The following SLC35D2 variants were observed in gnomAD, a reference collection of about 807,000 sequenced individuals.
SLC35D2 encodes the protein solute carrier family 35 member D2, also known as nucleotide sugar transporter SLC35D2.
A neutral mutation model predicts 41.8 loss-of-function variants in SLC35D2; 43 were observed. The ratio of observed to expected loss-of-function variants is 1.03; its 90% CI spans 0.81 to 1.33. SLC35D2 has a LOEUF of 1.33. Ranked by LOEUF, SLC35D2 falls within the 40% of genes most tolerant of loss-of-function variation. The pLI is 0.00. For synonymous variants in SLC35D2, 150 were observed against 163.9 expected (o/e 0.92, Z 0.65); for missense variants, 380 against 408.4 (o/e 0.93, Z 0.60).
At chr9:96,351,856 C>A (rs1051080608) in intron 5 of SLC35D2, among the ~76,000 whole-genome samples, 182 bp downstream of exon 5, 1 of 152,078 alleles carries the variant, frequency 6.6e-6, no homozygotes, top group African/African-American at 2.4e-5. Context: ...GGTAAAATTA[C>A]AACTTTTAAA....
intron 1 of SLC35D2, among the ~76,000 whole-genome samples, chr9:96,380,014 A>G (rs1831127286): frequency 6.7e-6 from 1 of 148,636 alleles, no homozygotes; most frequent in African/African-American, 2.5e-5. Flanking sequence ...TCTCTGCCCC[A>G]GCCTCCTGAG....
chr9:96,372,219 T>C (rs1014303888), intron 1 of SLC35D2, among the ~76,000 whole-genome samples: 2 of 152,150 alleles, frequency 1.3e-5, no homozygotes, highest in East Asian at 3.8e-4. Flanking sequence ...TAACTTTCAG[T>C]TAGAAAATGA....
chr9:96,332,825 T>C (rs533400293), intron 9 of SLC35D2, among the ~76,000 whole-genome samples: 4 of 152,016 alleles, frequency 2.6e-5, no homozygotes, highest in South Asian at 4.2e-4. Flanking sequence ...CCTTGTTTCA[T>C]CAAACTTGAG....
At chr9:96,342,014 C>CA (rs1186473085) in intron 8 of SLC35D2, among the ~76,000 whole-genome samples, 1 of 149,696 alleles carries the variant, frequency 6.7e-6, no homozygotes, top group Non-Finnish European at 1.5e-5. Flanking sequence ...AAAAACAAAA[C>CA]AAAACAAAAA....
rs1371213258 is a variant in SLC35D2, at chr9:96,322,090, A to AAG, written c.832-12_832-11dup. The AAG allele has an allele frequency of 1.3e-6, 2 of 1,529,430 alleles. No individual in the cohort carries two copies. Among genetic ancestry groups the AAG allele is most frequent in the Non-Finnish European group, 9.0e-7 (1 of 1,109,228 alleles). The allele number at this position is 1,529,430 out of a possible 1,614,324, so 94.7% of individuals were successfully genotyped here. A position where few individuals can be genotyped will look rare whatever the true frequency, so the allele number is the denominator to read the frequency against. ...AGGCAACGGATACATTCTGCAGAAA[A>AAG]AGAGAGAGGATTCGTCATTTTAAAA... is the stretch of plus-strand genomic sequence containing the variant. On this transcript the variant is annotated splice_polypyrimidine_tract_variant and intron_variant, in intron 10 of 11. Transcript: ENST00000253270.
intron 7 of SLC35D2, among the ~76,000 whole-genome samples, chr9:96,344,531 G>A (rs1587677244): frequency 2.5e-5 from 2 of 80,864 alleles, no homozygotes; most frequent in Non-Finnish European, 5.0e-5. Flanking sequence ...AAAAAAAAAG[G>A]CCATGCAGGG....
chr9:96,383,456 C>A, intron 1 of SLC35D2, 21 bp downstream of exon 1: 1 of 1,515,342 alleles, frequency 6.6e-7, no homozygotes, highest in Non-Finnish European at 8.9e-7. Context: ...GCAGACCCCC[C>A]GGCCCCGGGC....
intron 11 of SLC35D2, among the ~76,000 whole-genome samples, chr9:96,315,271 C>T (rs1222827159): frequency 1.3e-5 from 2 of 152,116 alleles, no homozygotes; most frequent in Non-Finnish European, 2.9e-5. Context: ...AGGCATGCGC[C>T]ACCATGCCTG....
chr9:96,336,876 C>T, intron 8 of SLC35D2, 92 bp from the exon 9 acceptor site: 1 of 728,562 alleles, frequency 1.4e-6, no homozygotes, highest in African/African-American at 1.8e-5. Flanking sequence ...GATACAGGAA[C>T]CATCTTCCCA....
chr9:96,351,015 A>C, intron 6 of SLC35D2, 88 bp downstream of exon 6: 1 of 981,080 alleles, frequency 1.0e-6, no homozygotes, highest in Non-Finnish European at 1.6e-6. Flanking sequence ...AACAGCAGCC[A>C]GATGGAAAAT....
intron 8 of SLC35D2, 62 bp downstream of exon 8, chr9:96,343,842 T>A (rs934270318): frequency 9.2e-7 from 1 of 1,081,840 alleles, no homozygotes; most frequent in Non-Finnish European, 1.3e-6. Flanking sequence ...GCATATCAAA[T>A]GTTAAATATT....
downstream of SLC35D2, among the ~76,000 whole-genome samples, chr9:96,318,058 C>A (rs1184155279): frequency 6.9e-6 from 1 of 144,756 alleles, no homozygotes; most frequent in Non-Finnish European, 1.5e-5. Flanking sequence ...AGTCTGGGAG[C>A]TCCAAGTTTA....
At chr9:96,339,346 T>C (rs551340588) in intron 8 of SLC35D2, among the ~76,000 whole-genome samples, 2 of 152,308 alleles carry the variant, frequency 1.3e-5, no homozygotes, top group Admixed American at 6.5e-5. Flanking sequence ...CTTGACCTCA[T>C]GATCTGCCCG....
intron 5 of SLC35D2, 72 bp downstream of exon 5, chr9:96,351,966 T>G: frequency 3.1e-6 from 3 of 967,142 alleles, no homozygotes; most frequent in Non-Finnish European, 4.9e-6. Flanking sequence ...CAATGGCTAC[T>G]AGAATTTGCT....
chr9:96,334,359 C>T (rs376299976), intron 9 of SLC35D2, among the ~76,000 whole-genome samples: 47 of 152,248 alleles, frequency 3.1e-4, no homozygotes, highest in African/African-American at 1.1e-3. Flanking sequence ...CAAAATGGGC[C>T]GGGTGTGGCG....
chr9:96,321,594 A>G (rs1421999274), intron 11 of SLC35D2, among the ~76,000 whole-genome samples: 1 of 152,204 alleles, frequency 6.6e-6, no homozygotes, highest in Admixed American at 6.5e-5. Context: ...TCTACTGAAT[A>G]AACTACATAC....
At chr9:96,328,486 C>T (rs997492644) in intron 9 of SLC35D2, among the ~76,000 whole-genome samples, 1 of 152,220 alleles carries the variant, frequency 6.6e-6, no homozygotes, top group African/African-American at 2.4e-5. Context: ...ATCTGATGCA[C>T]ATTTATTCAG....
intron 9 of SLC35D2, among the ~76,000 whole-genome samples, chr9:96,335,120 G>C (rs1181228671): frequency 1.3e-5 from 2 of 152,206 alleles, no homozygotes; most frequent in Admixed American, 6.5e-5. Flanking sequence ...AATGAAAAGT[G>C]TGGCAGGTGA....
In SLC35D2 at chr9:96,360,239, A is replaced by T; in HGVS notation, c.280-18T>A. The T allele has an allele frequency of 6.3e-7, 1 of 1,579,686 alleles. No homozygotes were observed. ...GGAAACAGCTTCCATTAAAAAAAAA[A>T]GAAGAAATATTTGGTTAGAACTCCA... is the stretch of plus-strand genomic sequence containing the variant. On this transcript the variant is annotated intron_variant, in intron 3 of 11. Coordinates refer to ENST00000253270, the MANE Select transcript of SLC35D2 (RefSeq NM_007001.3).
Sources: gnomAD v4.1 joint callset for allele counts (sites outside exome capture counted in the v4.1 genomes callset) on GRCh38, gnomAD v4.1.1 for gene constraint, MANE v1.5 for transcripts, NCBI Gene and HGNC (gene_info 2026-07-23, HGNC 2026-07-21) for gene names.